Variants in GULP1 observed in about 807,000 individuals in gnomAD.
GULP1 encodes the protein PTB domain-containing engulfment adapter protein 1.
In GULP1, 19 loss-of-function variants were observed where a neutral mutation model predicts 40.9. That is an observed-to-expected ratio of 0.46 (90% confidence interval 0.32 to 0.68). The LOEUF is 0.68. Among genes scored for constraint, GULP1 ranks in the 30% least tolerant of loss-of-function variants. GULP1 has a pLI of 0.03. For synonymous variants in GULP1, 119 were observed against 117.6 expected, an observed-to-expected ratio of 1.01 and a Z score of -0.08; for missense variants, 312 against 362.2, an observed-to-expected ratio of 0.86 and a Z score of 1.12.
chr2:188,456,813 G>A (rs1255244743), intron 2 of GULP1, among the ~76,000 whole-genome samples: 3 of 152,178 alleles, frequency 2.0e-5, no homozygotes, highest in Non-Finnish European at 4.4e-5. Flanking sequence ...ACTCATGAAA[G>A]CAGATGGGAG....
At chr2:188,324,586 G>T (rs751882832) in intron 1 of GULP1, among the ~76,000 whole-genome samples, 3 of 151,386 alleles carry the variant, frequency 2.0e-5, no homozygotes, top group Non-Finnish European at 4.4e-5. Flanking sequence ...ATTTAAATTG[G>T]TATTTAAGAA....
chr2:188,585,363 A>AG (rs1361904002), intron 10 of GULP1, among the ~76,000 whole-genome samples: 7 of 152,308 alleles, frequency 4.6e-5, no homozygotes, highest in Non-Finnish European at 1.0e-4. Flanking sequence ...GCAGTGCCCC[A>AG]GTGGGGACTC....
intron 2 of GULP1, among the ~76,000 whole-genome samples, chr2:188,451,753 C>A (rs1234658897): frequency 6.6e-6 from 1 of 151,494 alleles, no homozygotes; most frequent in East Asian, 1.9e-4. Flanking sequence ...TCTTTGATAT[C>A]CCTGCCAGAT....
intron 2 of GULP1, among the ~76,000 whole-genome samples, chr2:188,473,344 G>A (rs1480402855): frequency 2.6e-5 from 4 of 152,162 alleles, no homozygotes; most frequent in African/African-American, 7.2e-5. Context: ...AGCCAGCTAG[G>A]CCTCTGTCCT....
At chr2:188,511,143 A>T (rs1417778293) in intron 4 of GULP1, among the ~76,000 whole-genome samples, 1 of 152,190 alleles carries the variant, frequency 6.6e-6, no homozygotes, top group African/African-American at 2.4e-5. Context: ...TGGAATCAGT[A>T]TTCGGAAACT....
chr2:188,498,124 T>C (rs2063077997), intron 4 of GULP1, among the ~76,000 whole-genome samples: 1 of 151,862 alleles, frequency 6.6e-6, no homozygotes, highest in African/African-American at 2.4e-5. Flanking sequence ...TATCTTAGTG[T>C]TTCAGGTGAG....
In GULP1 at chr2:188,386,637, A is replaced by G. The variant is rs1055002804; in HGVS notation, c.-45+2748A>G. On this transcript the variant is annotated intron_variant, in intron 2 of 11. Transcript: ENST00000409830. The stretch of plus-strand genomic sequence containing the variant: ...ATATGTACATCACTTGGTTTGCATT[A>G]GTAGCATTACTAGAATTGGTATCAC... 7.9e-5 allele frequency among the ~76,000 whole-genome samples: 12 copies of G among 152,298 alleles called. No individual in the cohort carries two copies. The South Asian group carries it at 2.3e-3, about 29-fold the overall frequency.
In GULP1 at chr2:188,551,434, G is replaced by A. The variant is rs149451572; in HGVS notation, c.399+10116G>A. The stretch of plus-strand genomic sequence containing the variant: ...AAGAGCATGCAATATTTGTCTTTTT[G>A]TGCCTTATTTATTTCACTTAAGATA... On this transcript the variant is annotated intron_variant, in intron 7 of 11. Coordinates refer to ENST00000409830, the MANE Select transcript of GULP1 (RefSeq NM_016315.4). Among the ~76,000 whole-genome samples, 362 of 151,596 alleles carry A rather than the reference G, an allele frequency of 2.4e-3. 2 individuals carry two copies. The highest frequency in any genetic ancestry group is 4.2e-3 in the Non-Finnish European group (286 of 67,636).
intron 6 of GULP1, among the ~76,000 whole-genome samples, chr2:188,531,501 A>G (rs371169277): frequency 2.0e-5 from 3 of 152,270 alleles, no homozygotes; most frequent in South Asian, 4.1e-4. Flanking sequence ...CCTCTCAACA[A>G]TTATCCTGTC....
At chr2:188,585,049 G>T (rs1257849605) in intron 10 of GULP1, among the ~76,000 whole-genome samples, 1 of 152,158 alleles carries the variant, frequency 6.6e-6, no homozygotes, top group Admixed American at 6.5e-5. Context: ...TTCCAAATTG[G>T]AGAAATTGGC....
chr2:188,593,050 G>A (rs758021068), intron 11 of GULP1: 8 of 152,024 alleles, frequency 5.3e-5, no homozygotes, highest in East Asian at 1.9e-4. Context: ...TACCACATTT[G>A]CTTCTACAAG....
intron 7 of GULP1, among the ~76,000 whole-genome samples, chr2:188,566,577 C>T (rs1368658161): frequency 1.3e-5 from 2 of 151,604 alleles, no homozygotes; most frequent in Non-Finnish European, 2.9e-5. Context: ...GGGTGGATCA[C>T]CTGTGGTCAG....
chr2:188,419,009 T>A (rs113417785), intron 2 of GULP1, among the ~76,000 whole-genome samples: 38 of 152,350 alleles, frequency 2.5e-4, no homozygotes, highest in African/African-American at 7.7e-4. Context: ...TTTCACTTAG[T>A]ACAGTGTCCT....
In GULP1 at chr2:188,298,607, A is replaced by G. The variant is rs572499298; in HGVS notation, c.-172+6441A>G. On this transcript the variant is annotated intron_variant, in intron 1 of 11. Transcript: ENST00000409830. ...ATCACCATGACTGGATATGTAGGAG[A>G]AAAACCTTTAAGCTTCTTAGCAGTA... is the stretch of plus-strand genomic sequence containing the variant. Among the ~76,000 whole-genome samples, 8 of 152,202 alleles carry G rather than the reference A, an allele frequency of 5.3e-5. No individual in the cohort carries two copies. The South Asian group carries it at 1.7e-3, about 32-fold the overall frequency.
At chr2:188,358,564 A>G (rs2045671149) in intron 1 of GULP1, among the ~76,000 whole-genome samples, 1 of 152,170 alleles carries the variant, frequency 6.6e-6, no homozygotes, top group Non-Finnish European at 1.5e-5. Context: ...TTTGATCATT[A>G]CACATAGTAT....
At chr2:188,379,509 C>T (rs2048736106) in intron 1 of GULP1, among the ~76,000 whole-genome samples, 1 of 152,122 alleles carries the variant, frequency 6.6e-6, no homozygotes, top group Non-Finnish European at 1.5e-5. Flanking sequence ...TAGCATCTAA[C>T]AAATATACAC....
intron 1 of GULP1, among the ~76,000 whole-genome samples, chr2:188,343,539 C>T (rs114349697): frequency 1.5e-3 from 235 of 152,192 alleles, no homozygotes; most frequent in Non-Finnish European, 2.7e-3. Flanking sequence ...TACAAAAAGA[C>T]GCATATCTAC....
intron 6 of GULP1, among the ~76,000 whole-genome samples, chr2:188,538,991 C>T (rs1689716602): frequency 1.3e-5 from 2 of 151,842 alleles, no homozygotes; most frequent in East Asian, 3.9e-4. Context: ...AGAATAGAAT[C>T]TTTATTTTTT....
intron 11 of GULP1, chr2:188,592,164 T>C (rs1576344388): frequency 6.6e-6 from 1 of 152,004 alleles, no homozygotes; most frequent in Non-Finnish European, 1.5e-5. Context: ...TGATAACACA[T>C]TGACAAATAG....
Sources: gnomAD v4.1 joint callset for allele counts (sites outside exome capture counted in the v4.1 genomes callset) on GRCh38, gnomAD v4.1.1 for gene constraint, MANE v1.5 for transcripts, NCBI Gene and HGNC (gene_info 2026-07-23, HGNC 2026-07-21) for gene names.